Variants in GNA13 observed in about 807,000 individuals in gnomAD.
The protein encoded by GNA13 is G protein subunit alpha 13, also known as guanine nucleotide-binding protein subunit alpha-13.
In GNA13, 4 loss-of-function variants were observed where a neutral mutation model predicts 33.5. That is an observed-to-expected ratio of 0.12 (90% confidence interval 0.06 to 0.27). GNA13 has a LOEUF of 0.27. GNA13 is among the 10% of genes least tolerant of loss of function. The pLI is 1.00. For synonymous variants in GNA13, 176 were observed against 183.8 expected, an observed-to-expected ratio of 0.96 and a Z score of 0.34; for missense variants, 319 against 487.2, an observed-to-expected ratio of 0.65 and a Z score of 3.25.
chr17:65,028,376 T>A (rs550253346), intron 2 of GNA13, among the ~76,000 whole-genome samples: 1 of 128,652 alleles, frequency 7.8e-6, no homozygotes, highest in Non-Finnish European at 1.5e-5. Context: ...GCCACTGCAC[T>A]CCAACCTGAG....
At chr17:65,022,035 A>T (rs1229371705) in intron 2 of GNA13, among the ~76,000 whole-genome samples, 4 of 152,228 alleles carry the variant, frequency 2.6e-5, no homozygotes, top group Non-Finnish European at 5.9e-5. Context: ...ATTCTGGACC[A>T]GGGGTCTGTC....
At chr17:65,028,162 C>T (rs990466992) in intron 2 of GNA13, among the ~76,000 whole-genome samples, 1 of 152,080 alleles carries the variant, frequency 6.6e-6, no homozygotes. Context: ...GGAGGCGGAG[C>T]TTGCAGTGAG....
chr17:65,042,960 ATAAC>A (rs1431659852), intron 2 of GNA13, among the ~76,000 whole-genome samples: 6 of 152,182 alleles, frequency 3.9e-5, no homozygotes, highest in Non-Finnish European at 7.4e-5. Context: ...AGGAATATTA[ATAAC>A]TAATATTAAT....
chr17:65,042,359 A>C lies in GNA13; in HGVS notation c.510+11143T>G, dbSNP rs74752949. ...GTAACAAGAGTGAAACTCCGTCTCA[A>C]AAAAAAAAAAAAAAAGAAGAACCAC... On this transcript the variant is annotated intron_variant, in intron 2 of 3. Transcript: ENST00000439174. Among the ~76,000 whole-genome samples, 6 of 136,264 alleles carry C rather than the reference A, an allele frequency of 4.4e-5. No homozygotes were observed. The South Asian group carries it at 1.3e-3, about 29-fold the overall frequency. The allele number at this position is 136,264 out of a possible 152,430, so 89.4% of individuals were successfully genotyped here. A position where few individuals can be genotyped will look rare whatever the true frequency, so the allele number is the denominator to read the frequency against.
chr17:65,010,250 C>T lies in GNA13; in HGVS notation c.*4007G>A, dbSNP rs919436910. 1.3e-5 allele frequency among the ~76,000 whole-genome samples: 2 copies of T among 152,026 alleles called. No homozygotes were observed. Among genetic ancestry groups the T allele is most frequent in the Non-Finnish European group, 2.9e-5 (2 of 68,012 alleles). On this transcript the variant is annotated 3_prime_UTR_variant, in exon 4 of 4. Coordinates refer to ENST00000439174, the MANE Select transcript of GNA13 (RefSeq NM_006572.6). ...TACTCCAAATGATGTTGTTAATCAC[C>T]TACCAGCCTAAGACTAGTATCTACT...
chr17:65,014,696 C>T lies in GNA13; in HGVS notation c.695G>A (p.Arg232His), dbSNP rs1906302012. 1.9e-6 allele frequency: 3 copies of T among 1,614,062 alleles called. No individual in the cohort carries two copies. Among genetic ancestry groups the T allele is most frequent in the African/African-American group, 1.3e-5 (1 of 75,042 alleles). Residue 232 changes from arginine to histidine, a missense_variant, in exon 4 of 4, where the codon CGT becomes CAT. Transcript: ENST00000439174. The surrounding 1 kb of genome is among the most constrained non-coding windows in gnomAD (Gnocchi z 5.3). Reference protein sequence around the residue: ...DVGGQRSERKRWFECFDSVTS... With the variant: ...DVGGQRSERKHWFECFDSVTS... ...CACACTGTCGAAACATTCAAACCAA[C>T]GTTTCCTTTCTGATCTCTGACCACC...
At chr17:65,018,138 A>AAAAGAG (rs1555600538) in intron 3 of GNA13, 115 bp downstream of exon 3, 1 of 69,632 alleles carries the variant, frequency 1.4e-5, no homozygotes, top group African/African-American at 6.2e-5. Context: ...AAAAAAAAAA[A>AAAAGAG]AGAGAGAAAG....
chr17:65,035,830 A>C (rs1407133879), intron 2 of GNA13, among the ~76,000 whole-genome samples: 1 of 152,142 alleles, frequency 6.6e-6, no homozygotes, highest in Non-Finnish European at 1.5e-5. Flanking sequence ...AATTGTTAAA[A>C]AGAAAAAAAG....
At chr17:65,047,175 ACT>A (rs1907695707) in intron 2 of GNA13, among the ~76,000 whole-genome samples, 3 of 152,224 alleles carry the variant, frequency 2.0e-5, no homozygotes, top group Non-Finnish European at 4.4e-5. Flanking sequence ...AAATGTAACC[ACT>A]CTGACATCTG....
At chr17:65,029,220 G>A (rs531719980) in intron 2 of GNA13, among the ~76,000 whole-genome samples, 1 of 152,190 alleles carries the variant, frequency 6.6e-6, no homozygotes, top group Non-Finnish European at 1.5e-5. Flanking sequence ...AGTCCCAACT[G>A]ACTATCTCCA....
At chr17:65,016,430 C>A (rs923541207) in intron 3 of GNA13, among the ~76,000 whole-genome samples, 9 of 152,110 alleles carry the variant, frequency 5.9e-5, no homozygotes, top group African/African-American at 2.2e-4. Flanking sequence ...GGCGGAATCT[C>A]GGCTCACTGC....
At chr17:65,050,424 T>C (rs866681964) in intron 2 of GNA13, among the ~76,000 whole-genome samples, 1 of 151,700 alleles carries the variant, frequency 6.6e-6, no homozygotes, top group South Asian at 2.1e-4. Context: ...TCTCTATGTG[T>C]CAGGTGCTAT....
chr17:65,042,857 T>C (rs929675822), intron 2 of GNA13, among the ~76,000 whole-genome samples: 3 of 152,188 alleles, frequency 2.0e-5, no homozygotes, highest in Non-Finnish European at 2.9e-5. Flanking sequence ...TTCAGAATTT[T>C]TTATGTTGGT....
At chr17:65,050,208 AG>A (rs1423985970) in intron 2 of GNA13, among the ~76,000 whole-genome samples, 2 of 152,176 alleles carry the variant, frequency 1.3e-5, no homozygotes, top group African/African-American at 4.8e-5. Flanking sequence ...AATAGAGGAA[AG>A]GAGGGAATGA....
chr17:65,020,575 G>A (rs2143776814), intron 2 of GNA13, among the ~76,000 whole-genome samples: 1 of 152,164 alleles, frequency 6.6e-6, no homozygotes, highest in Middle Eastern at 3.4e-3. Context: ...AGAATATTAT[G>A]GGTTTAAGAC....
At chr17:65,056,122 C>T (rs1908043747) in intron 1 of GNA13, among the ~76,000 whole-genome samples, 189 bp downstream of exon 1, 1 of 151,948 alleles carries the variant, frequency 6.6e-6, no homozygotes, top group South Asian at 2.1e-4. Flanking sequence ...CATCCTCTCG[C>T]CCTGGGGCGC....
intron 2 of GNA13, among the ~76,000 whole-genome samples, chr17:65,024,764 T>C (rs1906710644): frequency 1.3e-5 from 2 of 152,254 alleles, no homozygotes; most frequent in African/African-American, 4.8e-5. Flanking sequence ...TATATTTTAC[T>C]CAAAACTAGA....
At chr17:65,047,726 G>C (rs1035393118) in intron 2 of GNA13, among the ~76,000 whole-genome samples, 1 of 150,910 alleles carries the variant, frequency 6.6e-6, no homozygotes, top group Non-Finnish European at 1.5e-5. Flanking sequence ...TTGAACTCTT[G>C]AGGTCAAGCA....
At chr17:65,027,271 T>C (rs1260333757) in intron 2 of GNA13, among the ~76,000 whole-genome samples, 1 of 151,926 alleles carries the variant, frequency 6.6e-6, no homozygotes, top group Non-Finnish European at 1.5e-5. Flanking sequence ...CCAGATTTAT[T>C]TATATAGTAA....
Sources: allele counts gnomAD v4.1 joint callset (sites outside exome capture counted in the v4.1 genomes callset), GRCh38; gene constraint gnomAD v4.1.1; non-coding constraint Gnocchi (gnomAD v3.1); transcripts MANE v1.5; gene names NCBI Gene and HGNC (gene_info 2026-07-23, HGNC 2026-07-21).